The following GRAMD4 variants were observed in gnomAD, a reference collection of about 807,000 sequenced individuals.
The protein encoded by GRAMD4 is GRAM domain containing 4, also known as GRAM domain-containing protein 4.
GRAMD4 carries 25 observed loss-of-function variants against 83.9 expected under a neutral mutation model. The observed-to-expected ratio is 0.30, with a 90% CI of 0.22 to 0.42. The LOEUF (loss-of-function observed/expected upper bound fraction) is 0.42, where lower values mean the gene tolerates loss of function less well. Ranked by LOEUF, GRAMD4 falls within the 10% of genes least tolerant of loss-of-function variation. The pLI, the probability that GRAMD4 is intolerant of heterozygous loss-of-function variation, is 1.00. For synonymous variants in GRAMD4, 336 were observed against 320.9 expected (o/e 1.05, Z -0.50); for missense variants, 593 against 788.7 (o/e 0.75, Z 2.97).
Position 46,677,618 on chromosome 22 carries a change from C to A in GRAMD4, c.*367C>A. On this transcript the variant is annotated 3_prime_UTR_variant, in exon 19 of 19. Coordinates refer to ENST00000406902, the MANE Select transcript of GRAMD4 (RefSeq NM_015124.5). ...CTCCAGCCACCCCAAGAGGTTCTCG[C>A]AACCTTGTGTCCCGCTCTCCAGAGG... 1 of 1,021,472 alleles carries A rather than the reference C, an allele frequency of 9.8e-7. No individual in the cohort carries two copies. 63.3% of individuals were successfully genotyped at this position (1,021,472 alleles called of 1,614,324 possible). A position where few individuals can be genotyped will look rare whatever the true frequency, so the allele number is the denominator to read the frequency against.
chr22:46,675,230 A>G lies in GRAMD4; in HGVS notation c.1479-238A>G, dbSNP rs1043924624. Among the ~76,000 whole-genome samples, 5 of 151,368 alleles carry G rather than the reference A, an allele frequency of 3.3e-5. No individual in the cohort carries two copies. The East Asian group carries it at 9.7e-4, about 29-fold the overall frequency. On this transcript the variant is annotated intron_variant, in intron 16 of 18. Coordinates refer to ENST00000406902, the MANE Select transcript of GRAMD4 (RefSeq NM_015124.5). ...AGAGCAGTGGCCGTGTCTCACTCAGAGCAGTGGCCGTGAGTGTCTCAGAGC... is the reference window on the plus strand; with the variant it reads ...AGAGCAGTGGCCGTGTCTCACTCAGGGCAGTGGCCGTGAGTGTCTCAGAGC...
chr22:46,586,317 T>G (rs1489916154), intron 1 of GRAMD4, among the ~76,000 whole-genome samples: 1 of 141,554 alleles, frequency 7.1e-6, no homozygotes, highest in Non-Finnish European at 1.5e-5. Context: ...TGGGCCCCAC[T>G]GGCGCCTCCC....
At chr22:46,629,095 G>GGGGGAAACCACCTCAGGGACTCGGACGT (rs2081724850) in intron 2 of GRAMD4, among the ~76,000 whole-genome samples, 1 of 152,062 alleles carries the variant, frequency 6.6e-6, no homozygotes, top group Non-Finnish European at 1.5e-5. Context: ...AGGGGCTGCG[G>GGGGGAAACCACCTCAGGGACTCGGACGT]GGGGAAACCA....
chr22:46,667,717 G>C (rs945729833), intron 10 of GRAMD4, among the ~76,000 whole-genome samples: 1 of 152,250 alleles, frequency 6.6e-6, no homozygotes, highest in Non-Finnish European at 1.5e-5. Flanking sequence ...TGGGACCCAG[G>C]AGACCTTGAG....
chr22:46,588,389 C>T (rs1433127636), intron 1 of GRAMD4, among the ~76,000 whole-genome samples: 1 of 152,186 alleles, frequency 6.6e-6, no homozygotes, highest in African/African-American at 2.4e-5. Flanking sequence ...AGGTGGCAGG[C>T]CTGCTGAGCT....
intron 1 of GRAMD4, among the ~76,000 whole-genome samples, chr22:46,594,728 G>A (rs752641731): frequency 6.6e-6 from 1 of 151,782 alleles, no homozygotes; most frequent in Non-Finnish European, 1.5e-5. Flanking sequence ...GGCTGGGGCT[G>A]TCCTGGTCCC....
At chr22:46,590,635 G>A (rs2081197716) in intron 1 of GRAMD4, among the ~76,000 whole-genome samples, 1 of 152,268 alleles carries the variant, frequency 6.6e-6, no homozygotes, top group Non-Finnish European at 1.5e-5. Context: ...AGTGTCAACA[G>A]GGGAGGGAGA....
rs1410018053 is a variant in GRAMD4, at chr22:46,620,757, C to T, written c.-50+192C>T. ...CAGGCCAGACCCCACCGGTAAAGCA[C>T]CTGCGCAGCCCGGGGCCAGGGGTCC... On this transcript the variant is annotated intron_variant, in intron 1 of 18. Transcript: ENST00000406902. The surrounding 1 kb of genome is among the most constrained non-coding windows in gnomAD (Gnocchi z 4.7). Among the ~76,000 whole-genome samples the T allele has an allele frequency of 7.2e-5, 11 of 152,148 alleles. No individual in the cohort carries two copies. The highest frequency in any genetic ancestry group is 5.9e-4 in the Admixed American group (9 of 15,280).
chr22:46,594,999 T>A (rs1255797550), intron 1 of GRAMD4, among the ~76,000 whole-genome samples: 3 of 152,142 alleles, frequency 2.0e-5, no homozygotes, highest in Non-Finnish European at 4.4e-5. Flanking sequence ...CTGAGTGCGG[T>A]GCCCAGTCAC....
intron 1 of GRAMD4, among the ~76,000 whole-genome samples, chr22:46,588,841 C>T (rs1036957035): frequency 4.6e-5 from 7 of 152,034 alleles, no homozygotes; most frequent in South Asian, 2.1e-4. Flanking sequence ...GGGCTGGAGC[C>T]GAAGCCTTTC....
rs1239286909 is a variant in GRAMD4, at chr22:46,671,169, G to A, written c.1085-1674G>A. On this transcript the variant is annotated intron_variant, in intron 13 of 18. Transcript: ENST00000406902. The stretch of plus-strand genomic sequence containing the variant: ...TCCCTCCTGGGTCGGCCACCACGTG[G>A]AGGAGGCCTGGGAGCTCAGTCCAGT... 1.6e-5 allele frequency: 7 copies of A among 451,494 alleles called. No individual in the cohort carries two copies. In the East Asian group the frequency reaches 4.3e-4, roughly 28 times the overall value. The allele number at this position is 451,494 out of a possible 1,614,324, so 28.0% of individuals were successfully genotyped here. A position where few individuals can be genotyped will look rare whatever the true frequency, so the allele number is the denominator to read the frequency against.
In GRAMD4 at chr22:46,659,596, C is replaced by G. The variant is rs2082298139; in HGVS notation, c.404+1289C>G. On this transcript the variant is annotated intron_variant, in intron 4 of 18. Transcript: ENST00000406902. The surrounding 1 kb of genome is among the most constrained non-coding windows in gnomAD (Gnocchi z 4.1). ...TTAGCTGGCCCTGAGGAAGCGGCTC[C>G]CTTCAGCACCCTCAGGTTTAGTGTG... 6.6e-6 allele frequency among the ~76,000 whole-genome samples: 1 copy of G among 152,250 alleles called. No homozygotes were observed. Among genetic ancestry groups the G allele is most frequent in the African/African-American group, 2.4e-5 (1 of 41,466 alleles).
chr22:46,682,381 T>C (rs1310101958), downstream of GRAMD4: 7 of 966,860 alleles, frequency 7.2e-6, no homozygotes, highest in East Asian at 2.3e-4. Context: ...CTGTAAATGA[T>C]ATGATGACAG....
At chr22:46,671,974 G>A (rs1230907086) in intron 13 of GRAMD4, among the ~76,000 whole-genome samples, 2 of 152,264 alleles carry the variant, frequency 1.3e-5, no homozygotes, top group African/African-American at 4.8e-5. Context: ...GATAGTACAT[G>A]GAACTCTGAC....
rs2082646214 is a variant in GRAMD4, at chr22:46,679,514, T to C, written c.*2263T>C. 3.0e-6 allele frequency: 3 copies of C among 985,420 alleles called. No homozygotes were observed. The highest frequency in any genetic ancestry group is 3.6e-6 in the Non-Finnish European group (3 of 829,860). The allele number at this position is 985,420 out of a possible 1,614,324, so 61.0% of individuals were successfully genotyped here. On this transcript the variant is annotated 3_prime_UTR_variant, in exon 19 of 19. Coordinates refer to ENST00000406902, the MANE Select transcript of GRAMD4 (RefSeq NM_015124.5). ...AGAGAAGCTGTAGTTTTTACCAAATTGTGTACATCTGGGCAGATGTTTAAT... is the reference window on the plus strand; with the variant it reads ...AGAGAAGCTGTAGTTTTTACCAAATCGTGTACATCTGGGCAGATGTTTAAT...
At chr22:46,576,949 C>A (rs1483626922), upstream of GRAMD4, among the ~76,000 whole-genome samples, 1 of 145,354 alleles carries the variant, frequency 6.9e-6, no homozygotes, top group Non-Finnish European at 1.5e-5. Flanking sequence ...CACGCGGACC[C>A]GCCAGGGCAG....
chr22:46,674,462 TG>T (rs2082563936), intron 15 of GRAMD4, 194 bp from the exon 16 acceptor site: 2 of 603,358 alleles, frequency 3.3e-6, no homozygotes, highest in Non-Finnish European at 6.0e-6. Flanking sequence ...CAGTGCCTGT[TG>T]AAGAGGAAAC....
At chr22:46,613,692 G>C (rs553521280) in intron 1 of GRAMD4, among the ~76,000 whole-genome samples, 14 of 152,314 alleles carry the variant, frequency 9.2e-5, no homozygotes, top group African/African-American at 3.4e-4. Flanking sequence ...CCAGGATGGG[G>C]CTAGAGGTCA....
intron 7 of GRAMD4, 55 bp downstream of exon 7, chr22:46,663,918 A>G: frequency 1.9e-6 from 3 of 1,596,956 alleles, no homozygotes; most frequent in Non-Finnish European, 1.7e-6. Context: ...GGTGGGGCCC[A>G]TGGCGGTGGG....
Sources: allele counts gnomAD v4.1 joint callset (sites outside exome capture counted in the v4.1 genomes callset), GRCh38; gene constraint gnomAD v4.1.1; non-coding constraint Gnocchi (gnomAD v3.1); transcripts MANE v1.5; gene names NCBI Gene and HGNC (gene_info 2026-07-23, HGNC 2026-07-21).